The following PCDHA3 variants were observed in gnomAD, a reference collection of about 807,000 sequenced individuals.
PCDHA3 encodes the protein protocadherin alpha-3.
PCDHA3 carries 41 observed loss-of-function variants against 62.2 expected under a neutral mutation model. The observed-to-expected ratio is 0.66, with a 90% CI of 0.51 to 0.86. The LOEUF (loss-of-function observed/expected upper bound fraction) is 0.86, where lower values mean the gene tolerates loss of function less well. PCDHA3 is among the 40% of genes least tolerant of loss of function. PCDHA3 has a pLI of 0.00. For synonymous variants in PCDHA3, 640 were observed against 555.4 expected (o/e 1.15, Z -2.14); for missense variants, 1,304 against 1,241.2 (o/e 1.05, Z -0.76).
In PCDHA3 at chr5:140,995,657, A is replaced by C. The variant is rs188298109; in HGVS notation, c.2542+13094A>C. Among the ~76,000 whole-genome samples, 56 of 152,328 alleles carry C rather than the reference A, an allele frequency of 3.7e-4. No homozygotes were observed. The East Asian group carries it at 7.7e-3, about 21-fold the overall frequency. Reference sequence around the variant, plus strand: ...AGTGTTTAGAAAAGGAGAATCGAAAAGGGAAGTAAATGCAGCATTTTTTTT... The same window carrying C: ...AGTGTTTAGAAAAGGAGAATCGAAACGGGAAGTAAATGCAGCATTTTTTTT... On this transcript the variant is annotated intron_variant, in intron 3 of 3. Coordinates refer to ENST00000522353, the MANE Select transcript of PCDHA3 (RefSeq NM_018906.3).
At chr5:140,869,161 C>T in intron 1 of PCDHA3, 1 of 1,613,852 alleles carries the variant, frequency 6.2e-7, no homozygotes, top group South Asian at 1.1e-5. Flanking sequence ...CTGGCTTCTC[C>T]TCCTCGAATT....
intron 1 of PCDHA3, among the ~76,000 whole-genome samples, chr5:140,915,886 T>G (rs1259377999): frequency 2.6e-5 from 4 of 152,186 alleles, no homozygotes; most frequent in Admixed American, 6.5e-5. Flanking sequence ...GGGTAGCAAG[T>G]TCCCCCTGGC....
intron 1 of PCDHA3, chr5:140,862,633 G>T (rs113613111): frequency 3.7e-6 from 2 of 537,190 alleles, no homozygotes; most frequent in East Asian, 5.1e-5. Context: ...GGGCTGCCAC[G>T]ACTTCACAGT....
At chr5:140,857,796 CG>C in intron 1 of PCDHA3, 1 of 1,597,494 alleles carries the variant, frequency 6.3e-7, no homozygotes, top group Non-Finnish European at 8.6e-7. Flanking sequence ...GTGCTGCGGT[CG>C]GTGGTTGCGG....
intron 1 of PCDHA3, chr5:140,829,267 C>T (rs2150164900): frequency 1.5e-5 from 24 of 1,614,242 alleles, no homozygotes; most frequent in East Asian, 2.2e-5. Flanking sequence ...TGACGCCTCA[C>T]GTCCCTTTCA....
intron 1 of PCDHA3, chr5:140,823,577 G>A (rs1389760827): frequency 6.2e-7 from 1 of 1,613,854 alleles, no homozygotes; most frequent in Non-Finnish European, 8.5e-7. Context: ...CCTGATTCGG[G>A]CTACAACGCT....
chr5:140,874,132 A>T (rs181983769), intron 1 of PCDHA3, among the ~76,000 whole-genome samples: 8 of 152,358 alleles, frequency 5.3e-5, no homozygotes, highest in Non-Finnish European at 1.2e-4. Flanking sequence ...TATTTAAGTT[A>T]TCTTATACTT....
At chr5:140,884,063 G>A in intron 1 of PCDHA3, 3 of 1,613,496 alleles carry the variant, frequency 1.9e-6, no homozygotes, top group Non-Finnish European at 1.7e-6. Flanking sequence ...CGCGGTGGAC[G>A]CCGATTCGGG....
At chr5:140,864,331 T>C (rs2048422342) in intron 1 of PCDHA3, 1 of 152,248 alleles carries the variant, frequency 6.6e-6, no homozygotes, top group Admixed American at 6.5e-5. Flanking sequence ...CATAATTATT[T>C]GAGTTTAAAA....
intron 1 of PCDHA3, chr5:140,810,699 A>T (rs782380307): frequency 6.6e-6 from 1 of 151,874 alleles, no homozygotes; most frequent in Non-Finnish European, 1.5e-5. Context: ...CTTCCATAGA[A>T]CTTTATTTAT....
chr5:140,879,596 A>G (rs1324407694), intron 1 of PCDHA3, among the ~76,000 whole-genome samples: 1 of 152,240 alleles, frequency 6.6e-6, no homozygotes, highest in East Asian at 1.9e-4. Flanking sequence ...TGAAAAGTGA[A>G]AAACAATGTG....
chr5:140,850,154 G>A, intron 1 of PCDHA3: 1 of 1,595,410 alleles, frequency 6.3e-7, no homozygotes, highest in Non-Finnish European at 8.6e-7. Context: ...CGCTGCAGGT[G>A]TTCGTGCTGG....
chr5:140,841,768 C>T (rs2150322349), intron 1 of PCDHA3: 2 of 1,613,936 alleles, frequency 1.2e-6, no homozygotes, highest in East Asian at 2.2e-5. Context: ...GAATGCCAGA[C>T]TCTCGGTTTC....
intron 1 of PCDHA3, chr5:140,877,996 AT>A (rs1305761926): frequency 2.6e-5 from 27 of 1,037,884 alleles, no homozygotes; most frequent in Non-Finnish European, 3.2e-5. Flanking sequence ...ACTTTTATGT[AT>A]TTGTCTAACA....
intron 1 of PCDHA3, chr5:140,850,311 T>G: frequency 1.9e-6 from 3 of 1,597,000 alleles, no homozygotes; most frequent in Non-Finnish European, 2.6e-6. Context: ...CTACAACGCG[T>G]GGCTTTCATA....
Position 140,843,003 on chromosome 5 carries a change from A to G in PCDHA3, c.2394+39412A>G, listed in dbSNP as rs2150349772. 1.9e-6 allele frequency: 3 copies of G among 1,594,854 alleles called. No individual in the cohort carries two copies. The African/African-American group carries it at 4.0e-5, about 21-fold the overall frequency. On this transcript the variant is annotated intron_variant, in intron 1 of 3. Coordinates refer to ENST00000522353, the MANE Select transcript of PCDHA3 (RefSeq NM_018906.3). ...GTGTTCGTGCTGGACGAGAATGACAACGCGCCGGCACTGCTGGAGCCTCGG... is the reference window on the plus strand; with the variant it reads ...GTGTTCGTGCTGGACGAGAATGACAGCGCGCCGGCACTGCTGGAGCCTCGG...
At chr5:140,933,133 G>T (rs782720038) in intron 1 of PCDHA3, among the ~76,000 whole-genome samples, 1 of 151,914 alleles carries the variant, frequency 6.6e-6, no homozygotes, top group Non-Finnish European at 1.5e-5. Context: ...AATAATAAAG[G>T]TAGATAGCCA....
intron 1 of PCDHA3, among the ~76,000 whole-genome samples, chr5:140,833,370 T>C (rs2150208033): frequency 6.6e-6 from 1 of 152,200 alleles, no homozygotes; most frequent in Admixed American, 6.5e-5. Flanking sequence ...GTAAGGTAGA[T>C]CCAAAAAGGA....
chr5:140,835,736 C>A lies in PCDHA3; in HGVS notation c.2394+32145C>A, dbSNP rs2150243450. 6.2e-6 allele frequency: 10 copies of A among 1,613,590 alleles called. No individual in the cohort carries two copies. The African/African-American group carries it at 1.1e-4, about 17-fold the overall frequency. ...TGGAGGTGGCCGACGTGAACGACAA[C>A]GCCCCGGCGTTCGCGCAGCCCGAGT... is the stretch of plus-strand genomic sequence containing the variant. On this transcript the variant is annotated intron_variant, in intron 1 of 3. Transcript: ENST00000522353.
Sources: gnomAD v4.1 joint callset for allele counts (sites outside exome capture counted in the v4.1 genomes callset) on GRCh38, gnomAD v4.1.1 for gene constraint, MANE v1.5 for transcripts, NCBI Gene and HGNC (gene_info 2026-07-23, HGNC 2026-07-21) for gene names.